Variants in DMD observed in about 807,000 individuals in gnomAD.
DMD encodes dystrophin.
In DMD, 63 loss-of-function variants were observed where a neutral mutation model predicts 330.1. The observed-to-expected ratio is 0.19, with a 90% confidence interval of 0.16 to 0.24. The LOEUF (loss-of-function observed/expected upper bound fraction) is 0.24. Among genes scored for constraint, DMD ranks in the 10% least tolerant of loss-of-function variants. DMD has a pLI of 1.00. For synonymous variants in DMD, 1,223 were observed against 959.8 expected, an observed-to-expected ratio of 1.27 and a Z score of -5.07; for missense variants, 3,344 against 2,684.1, an observed-to-expected ratio of 1.25 and a Z score of -5.43.
chrX:32,342,833 G>T (rs778302740), intron 40 of DMD: 1 of 381,652 alleles, frequency 2.6e-6, no homozygotes, highest in Non-Finnish European at 4.9e-6. Context: ...TCCATATACC[G>T]ATAAGTCATT....
intron 1 of DMD, among the ~76,000 whole-genome samples, chrX:33,232,728 T>G (rs2052409549): frequency 9.0e-6 from 1 of 111,242 alleles, no homozygotes; most frequent in African/African-American, 3.3e-5. Context: ...CCTTCTCTAC[T>G]AAAAATACAA....
At chrX:31,544,778 C>T (rs1011490013) in intron 55 of DMD, among the ~76,000 whole-genome samples, 2 of 110,918 alleles carry the variant, frequency 1.8e-5, no homozygotes, top group African/African-American at 6.6e-5. Context: ...ATGAACCTAG[C>T]GATGGGTGAG....
rs192555357 is a variant in DMD at position 31,557,919 on chromosome X, T to C, written c.8218-50466A>G. Among the ~76,000 whole-genome samples the C allele has an allele frequency of 4.5e-3, 502 of 111,304 alleles. 1 individual carries two copies. The highest frequency in any genetic ancestry group is 0.016 in the African/African-American group (481 of 30,617). ...GGAGTTGCCACCATTCCCTGCTATA[T>C]ATCCCCTCTAGCTGGCCTTAGGTGA... is the stretch of plus-strand genomic sequence containing the variant. On this transcript the variant is annotated intron_variant, in intron 55 of 78. Coordinates refer to ENST00000357033, the MANE Select transcript of DMD (RefSeq NM_004006.3).
chrX:32,989,360 G>A (rs1431500619), intron 2 of DMD, among the ~76,000 whole-genome samples: 1 of 112,157 alleles, frequency 8.9e-6, no homozygotes, highest in Admixed American at 9.5e-5. Flanking sequence ...CTGTCTCAGA[G>A]TCATGTAGCA....
At chrX:31,420,145 G>T (rs2063289496) in intron 60 of DMD, among the ~76,000 whole-genome samples, 1 of 112,046 alleles carries the variant, frequency 8.9e-6, no homozygotes, top group African/African-American at 3.2e-5. Flanking sequence ...TTGTTTTGTT[G>T]CTTAATTTCT....
intron 61 of DMD, among the ~76,000 whole-genome samples, chrX:31,334,688 G>A (rs140614670): frequency 0.012 from 1,376 of 112,034 alleles, 14 homozygotes; most frequent in African/African-American, 0.041. Flanking sequence ...CAGGCACCAT[G>A]TCACTTCTTA....
chrX:31,857,078 T>G (rs775673139), intron 48 of DMD, among the ~76,000 whole-genome samples: 2 of 111,495 alleles, frequency 1.8e-5, no homozygotes, highest in South Asian at 7.6e-4. Flanking sequence ...AAATTATTAA[T>G]GTCAAGAATA....
chrX:31,758,196 T>A (rs1354091894), intron 51 of DMD, among the ~76,000 whole-genome samples: 1 of 110,210 alleles, frequency 9.1e-6, no homozygotes, highest in African/African-American at 3.3e-5. Context: ...AAAGTGTAGG[T>A]CAAAACTTTT....
chrX:32,479,553 C>A (rs927051595), intron 21 of DMD, among the ~76,000 whole-genome samples: 6 of 110,117 alleles, frequency 5.4e-5, no homozygotes, highest in Non-Finnish European at 1.1e-4. Context: ...CTTTGCCTGG[C>A]TCATTTCAGC....
intron 60 of DMD, among the ~76,000 whole-genome samples, chrX:31,404,780 G>C (rs762491968): frequency 8.9e-6 from 1 of 111,928 alleles, no homozygotes; most frequent in South Asian, 3.7e-4. Context: ...AGAAACAGGA[G>C]GGAGAAGCCT....
chrX:32,536,275 A>AAAAC (rs2047964351), intron 17 of DMD, among the ~76,000 whole-genome samples: 1 of 106,330 alleles, frequency 9.4e-6, no homozygotes. Flanking sequence ...AAAAAAAAAA[A>AAAAC]AAAAAAAAAA....
chrX:32,126,291 T>C (rs2096661304), intron 44 of DMD, among the ~76,000 whole-genome samples: 1 of 111,960 alleles, frequency 8.9e-6, no homozygotes, highest in South Asian at 3.7e-4. Context: ...GTTGATTAGG[T>C]AAAATGGTCT....
intron 7 of DMD, among the ~76,000 whole-genome samples, chrX:32,743,482 T>C (rs1274108701): frequency 9.0e-6 from 1 of 111,089 alleles, no homozygotes; most frequent in Non-Finnish European, 1.9e-5. Context: ...ATTAGTAACA[T>C]CGATATCTGA....
At chrX:32,136,246 G>A (rs8181247) in intron 44 of DMD, among the ~76,000 whole-genome samples, 55,327 of 111,258 alleles carry the variant, frequency 0.5, 10,234 homozygotes, top group East Asian at 0.71. Flanking sequence ...GGTTCCCTCA[G>A]GTTTGATCCA....
chrX:31,333,558 T>C (rs1456575541), intron 61 of DMD, among the ~76,000 whole-genome samples: 1 of 109,946 alleles, frequency 9.1e-6, no homozygotes, highest in African/African-American at 3.3e-5. Context: ...ACCAAGTCTT[T>C]TGAATTACTT....
In DMD at chrX:33,058,111, C is replaced by T. The variant is rs1261055789; in HGVS notation, c.32-37911G>A. The stretch of plus-strand genomic sequence containing the variant: ...ACCAGGCTGGTCTCTGACTCCTGAT[C>T]TCAAGTGATCCGCCCTCCTGGGCCT... On this transcript the variant is annotated intron_variant, in intron 1 of 78. Coordinates refer to ENST00000357033, the MANE Select transcript of DMD (RefSeq NM_004006.3). 2.7e-5 allele frequency among the ~76,000 whole-genome samples: 3 copies of T among 111,658 alleles called. No individual in the cohort carries two copies. In the East Asian group the frequency reaches 8.5e-4, roughly 32 times the overall value.
chrX:31,814,616 A>C (rs2092570765), intron 50 of DMD, among the ~76,000 whole-genome samples: 1 of 109,183 alleles, frequency 9.2e-6, no homozygotes, highest in Admixed American at 9.8e-5. Context: ...CCTGATTTGG[A>C]GTCTTCACAT....
intron 1 of DMD, among the ~76,000 whole-genome samples, chrX:33,200,992 C>G (rs2051234979): frequency 1.3e-5 from 1 of 79,731 alleles, no homozygotes; most frequent in Admixed American, 2.1e-4. Context: ...AGTACAGTGG[C>G]GAGATCTCCG....
chrX:31,389,881 T>G (rs2060615913), intron 60 of DMD, among the ~76,000 whole-genome samples: 1 of 112,264 alleles, frequency 8.9e-6, no homozygotes. Context: ...CTTCTTCAGC[T>G]AATGGAATAA....
Sources: gnomAD v4.1 joint callset for allele counts (sites outside exome capture counted in the v4.1 genomes callset) on GRCh38, gnomAD v4.1.1 for gene constraint, MANE v1.5 for transcripts, NCBI Gene and HGNC (gene_info 2026-07-23, HGNC 2026-07-21) for gene names.